NELL1: variants seen among roughly 807,000 people sequenced by gnomAD.
NELL1 encodes the protein neural EGFL like 1, also known as protein kinase C-binding protein NELL1.
A neutral mutation model predicts 107.4 loss-of-function variants in NELL1; 76 were observed. That is an observed-to-expected ratio of 0.71 (90% CI 0.59 to 0.86). The LOEUF is 0.86. NELL1 is among the 40% of genes least tolerant of loss of function. NELL1 has a pLI of 0.00. For synonymous variants in NELL1, 353 were observed against 341.2 expected, an observed-to-expected ratio of 1.03 and a Z score of -0.38; for missense variants, 1,024 against 1,005.5, an observed-to-expected ratio of 1.02 and a Z score of -0.25.
chr11:20,703,390 T>C (rs1413966436), intron 2 of NELL1, among the ~76,000 whole-genome samples: 1 of 152,196 alleles, frequency 6.6e-6, no homozygotes, highest in African/African-American at 2.4e-5. Context: ...TTCTTCTCTC[T>C]TTTCTTCTTT....
At chr11:20,843,285 G>T (rs1429778) in intron 3 of NELL1, among the ~76,000 whole-genome samples, 27,722 of 151,926 alleles carry the variant, frequency 0.18, 3,707 homozygotes, top group African/African-American at 0.34. Context: ...GGTTTGTTCA[G>T]GGCCACAGAA....
chr11:21,123,893 A>G (rs1855428558), intron 13 of NELL1, among the ~76,000 whole-genome samples: 1 of 152,220 alleles, frequency 6.6e-6, no homozygotes, highest in African/African-American at 2.4e-5. Context: ...AAAGAATATT[A>G]TGTGTCAATG....
intron 2 of NELL1, among the ~76,000 whole-genome samples, chr11:20,758,034 GC>G (rs1243502924): frequency 6.6e-6 from 1 of 152,138 alleles, no homozygotes; most frequent in Non-Finnish European, 1.5e-5. Flanking sequence ...AGAGAGAGGG[GC>G]CAAGCTCCCT....
chr11:21,056,356 G>A (rs910566188), intron 12 of NELL1, among the ~76,000 whole-genome samples: 2 of 152,082 alleles, frequency 1.3e-5, no homozygotes, highest in Non-Finnish European at 2.9e-5. Flanking sequence ...ATTATAGTTG[G>A]GATCTCAGGG....
intron 13 of NELL1, among the ~76,000 whole-genome samples, chr11:21,188,890 T>G (rs918165310): frequency 5.3e-5 from 8 of 151,948 alleles, no homozygotes; most frequent in African/African-American, 1.7e-4. Context: ...TGTGACCATA[T>G]TGGACCCATC....
chr11:21,204,176 G>T (rs1379617836), intron 13 of NELL1, among the ~76,000 whole-genome samples: 1 of 152,134 alleles, frequency 6.6e-6, no homozygotes, highest in Non-Finnish European at 1.5e-5. Context: ...GGTTGGGGAA[G>T]TTCTCCTGGA....
chr11:21,421,991 T>C (rs1410376841), intron 15 of NELL1, among the ~76,000 whole-genome samples: 1 of 152,136 alleles, frequency 6.6e-6, no homozygotes, highest in Non-Finnish European at 1.5e-5. Flanking sequence ...GGGCCTGATA[T>C]ATTCAAAGTG....
chr11:21,506,812 T>G (rs575627189), intron 15 of NELL1, among the ~76,000 whole-genome samples: 1 of 152,280 alleles, frequency 6.6e-6, no homozygotes, highest in Non-Finnish European at 1.5e-5. Context: ...AATATCATGG[T>G]TTTAGGGCCA....
In NELL1 at chr11:20,947,337, G is replaced by T; in HGVS notation, c.1073G>T (p.Gly358Val). Residue 358 changes from glycine to valine, a missense_variant and splice_region_variant, in exon 11 of 20, where the codon GGT becomes GTT. Coordinates refer to ENST00000357134, the MANE Select transcript of NELL1 (RefSeq NM_006157.5). ...ILTKSCRECR[G>V]GVLVKITEMC... ...CTTTCCCTAATATTTGGCTTCCAGG[G>T]TGGAGTTTTAGTAAAAATTACAGAA... The T allele has an allele frequency of 1.3e-5, 21 of 1,611,766 alleles. No individual in the cohort carries two copies. Among genetic ancestry groups the T allele is most frequent in the Non-Finnish European group, 1.8e-5 (21 of 1,177,980 alleles).
At chr11:21,539,085 G>A (rs1054119470) in intron 16 of NELL1, among the ~76,000 whole-genome samples, 2 of 152,060 alleles carry the variant, frequency 1.3e-5, no homozygotes, top group African/African-American at 4.8e-5. Context: ...CTGTGTCATG[G>A]TAGATTCACT....
chr11:21,338,401 T>A (rs1850484931), intron 14 of NELL1, among the ~76,000 whole-genome samples: 1 of 152,222 alleles, frequency 6.6e-6, no homozygotes, highest in Admixed American at 6.5e-5. Context: ...GTGCATCGTG[T>A]CAGAGGTTCT....
intron 10 of NELL1, among the ~76,000 whole-genome samples, chr11:20,943,254 A>T (rs1850894132): frequency 6.6e-6 from 1 of 152,184 alleles, no homozygotes. Context: ...AATAATTTTT[A>T]ATATTTCTTG....
chr11:21,266,364 TA>T (rs1217111090), intron 14 of NELL1, among the ~76,000 whole-genome samples: 5 of 152,052 alleles, frequency 3.3e-5, no homozygotes, highest in African/African-American at 1.2e-4. Flanking sequence ...CACTTGAATA[TA>T]AGCTCCAAAA....
chr11:21,005,041 C>T (rs1852300485), intron 12 of NELL1, among the ~76,000 whole-genome samples: 1 of 152,136 alleles, frequency 6.6e-6, no homozygotes, highest in South Asian at 2.1e-4. Flanking sequence ...TAAGAATGTA[C>T]TAAATTTAAT....
intron 14 of NELL1, among the ~76,000 whole-genome samples, chr11:21,234,577 C>G (rs979346244): frequency 2.6e-5 from 4 of 152,190 alleles, no homozygotes; most frequent in Admixed American, 2.6e-4. Flanking sequence ...AAATTCAGGT[C>G]ACTGTAGAAA....
intron 11 of NELL1, among the ~76,000 whole-genome samples, chr11:20,950,426 G>A (rs561226468): frequency 7.9e-5 from 12 of 152,236 alleles, no homozygotes; most frequent in Non-Finnish European, 1.2e-4. Context: ...TCTTAATTCC[G>A]TCTTTAAAAG....
intron 13 of NELL1, among the ~76,000 whole-genome samples, chr11:21,180,960 A>G (rs1462950675): frequency 1.3e-5 from 2 of 151,782 alleles, no homozygotes; most frequent in Non-Finnish European, 2.9e-5. Flanking sequence ...CACCATTGAT[A>G]TACTAGGCAA....
chr11:21,456,291 T>C (rs1853733254), intron 15 of NELL1, among the ~76,000 whole-genome samples: 2 of 152,130 alleles, frequency 1.3e-5, no homozygotes, highest in Admixed American at 6.5e-5. Context: ...CTTTGCTTCA[T>C]TGTGGTCAGA....
At chr11:20,853,306 C>T (rs994143162) in intron 4 of NELL1, among the ~76,000 whole-genome samples, 5 of 152,140 alleles carry the variant, frequency 3.3e-5, no homozygotes, top group Non-Finnish European at 7.3e-5. Flanking sequence ...GAAGCATTTG[C>T]GCTCCGTGGT....
Sources: allele counts gnomAD v4.1 joint callset (sites outside exome capture counted in the v4.1 genomes callset), GRCh38; gene constraint gnomAD v4.1.1; transcripts MANE v1.5; gene names NCBI Gene and HGNC (gene_info 2026-07-23, HGNC 2026-07-21).